Variants in IL5RA observed in about 807,000 individuals in gnomAD.
IL5RA encodes the protein interleukin-5 receptor subunit alpha.
In IL5RA, 49 loss-of-function variants were observed where a neutral mutation model predicts 50.0. That is an observed-to-expected ratio of 0.98 (90% CI 0.78 to 1.24). The LOEUF (loss-of-function observed/expected upper bound fraction) is 1.24. Ranked by LOEUF, IL5RA falls within the 50% of genes most tolerant of loss-of-function variation. The pLI is 0.00. For synonymous variants in IL5RA, 202 were observed against 174.0 expected, an observed-to-expected ratio of 1.16 and a Z score of -1.26; for missense variants, 600 against 500.4, an observed-to-expected ratio of 1.20 and a Z score of -1.90.
chr3:3,098,735 T>C (rs2125980983), intron 5 of IL5RA, among the ~76,000 whole-genome samples: 1 of 152,256 alleles, frequency 6.6e-6, no homozygotes, highest in Admixed American at 6.5e-5. Context: ...ACCTACTAAC[T>C]ACAAAAGGCC....
At chr3:3,102,566 G>A (rs1299889392) in intron 4 of IL5RA, 109 bp downstream of exon 4, 1 of 722,484 alleles carries the variant, frequency 1.4e-6, no homozygotes, top group Non-Finnish European at 2.2e-6. Flanking sequence ...ATAACATAGA[G>A]CCTGTCAGTA....
chr3:3,083,050 G>A (rs1276163685), intron 9 of IL5RA, among the ~76,000 whole-genome samples: 1 of 152,170 alleles, frequency 6.6e-6, no homozygotes, highest in Non-Finnish European at 1.5e-5. Context: ...CAACAGGGTT[G>A]GATAATTGAG....
At chr3:3,085,051 C>T (rs1156725090) in intron 9 of IL5RA, among the ~76,000 whole-genome samples, 1 of 152,242 alleles carries the variant, frequency 6.6e-6, no homozygotes, top group Admixed American at 6.5e-5. Flanking sequence ...AGGCCTCCTT[C>T]AGGCTAGTGG....
chr3:3,082,218 G>C (rs893827972), intron 9 of IL5RA, among the ~76,000 whole-genome samples: 10 of 152,284 alleles, frequency 6.6e-5, no homozygotes, highest in African/African-American at 2.4e-4. Context: ...AAATTTGGGA[G>C]ATCCCGTAGT....
At chr3:3,073,970 A>G (rs1702388321) in intron 11 of IL5RA, 2 of 263,560 alleles carry the variant, frequency 7.6e-6, no homozygotes, top group African/African-American at 2.3e-5. Flanking sequence ...AACCAATCAG[A>G]TAGTCCAGAA....
intron 9 of IL5RA, among the ~76,000 whole-genome samples, chr3:3,087,426 C>T (rs1359389387): frequency 1.3e-5 from 2 of 152,166 alleles, no homozygotes; most frequent in Non-Finnish European, 2.9e-5. Flanking sequence ...CTTATCTCAT[C>T]AATCAAAACT....
Position 3,066,325 on chromosome 3 carries a change from T to G in IL5RA, c.*3900A>C, listed in dbSNP as rs1453885848. 1 of 152,192 alleles carries G rather than the reference T, an allele frequency of 6.6e-6. No homozygotes were observed. The highest frequency in any genetic ancestry group is 2.4e-5 in the African/African-American group (1 of 41,430). The allele number at this position is 152,192 out of a possible 1,614,324, so 9.4% of individuals were successfully genotyped here. On this transcript the variant is annotated 3_prime_UTR_variant, in exon 12 of 12. Coordinates refer to ENST00000446632, the MANE Select transcript of IL5RA (RefSeq NM_175726.4). ...CTCTTTAATTGCAGACTTAGACAAT[T>G]CACTGTCATTTATGTTTAATATTTC...
intron 7 of IL5RA, among the ~76,000 whole-genome samples, chr3:3,095,839 C>T (rs780845258): frequency 1.1e-4 from 17 of 152,094 alleles, no homozygotes; most frequent in Non-Finnish European, 1.8e-4. Flanking sequence ...CTTGCCTCTT[C>T]CCAGTAGGTA....
chr3:3,096,358 C>G (rs568870001), intron 7 of IL5RA, among the ~76,000 whole-genome samples: 1 of 151,182 alleles, frequency 6.6e-6, no homozygotes, highest in South Asian at 2.1e-4. Context: ...AATGTCCTTT[C>G]CCTTGAGATC....
At chr3:3,081,943 C>T (rs778614825) in intron 9 of IL5RA, among the ~76,000 whole-genome samples, 1 of 152,162 alleles carries the variant, frequency 6.6e-6, no homozygotes, top group Admixed American at 6.6e-5. Context: ...GAAAACACAA[C>T]CAAGGTCGGC....
At chr3:3,077,211 C>A (rs1489487284) in intron 9 of IL5RA, among the ~76,000 whole-genome samples, 2 of 152,198 alleles carry the variant, frequency 1.3e-5, no homozygotes, top group African/African-American at 4.8e-5. Flanking sequence ...GCCATTAAGT[C>A]AGTACAGAAA....
At chr3:3,098,113 A>G (rs1241569829) in intron 6 of IL5RA, 24 bp downstream of exon 6, 1 of 1,613,910 alleles carries the variant, frequency 6.2e-7, no homozygotes, top group East Asian at 2.2e-5. Context: ...CATTTGCCTA[A>G]GTAAAAATAG....
rs781219172 is a variant in IL5RA at position 3,090,265 on chromosome 3, CAG to C, written c.994+1957_994+1958del. 8 of 1,571,386 alleles carry C rather than the reference CAG, an allele frequency of 5.1e-6. No individual in the cohort carries two copies. In the African/African-American group the frequency reaches 5.5e-5, roughly 11 times the overall value. ...CCTTTATCTTGAGAACCCTAGGAAA[CAG>C]AGAGAAATTATTTGTCTGGGGATAC... On this transcript the variant is annotated intron_variant, in intron 9 of 11. Transcript: ENST00000446632.
chr3:3,098,119 A>C lies in IL5RA; in HGVS notation c.521+18T>G. ...GGAAACAACCATTTGCCTAAGTAAA[A>C]ATAGGTACAGTACTAACCTATAGTA... On this transcript the variant is annotated intron_variant, in intron 6 of 11. Transcript: ENST00000446632. The C allele has an allele frequency of 2.5e-6, 4 of 1,614,018 alleles. No individual in the cohort carries two copies. Among genetic ancestry groups the C allele is most frequent in the Non-Finnish European group, 3.4e-6 (4 of 1,179,900 alleles).
chr3:3,073,843 A>G (rs1329653739), intron 11 of IL5RA: 1 of 434,568 alleles, frequency 2.3e-6, no homozygotes, highest in Non-Finnish European at 4.5e-6. Context: ...TAACCAAAAC[A>G]AATTTTTAAA....
chr3:3,107,699 T>C (rs1053979019), intron 2 of IL5RA, among the ~76,000 whole-genome samples: 4 of 152,202 alleles, frequency 2.6e-5, no homozygotes, highest in Non-Finnish European at 4.4e-5. Context: ...TACTTGCTCA[T>C]ATAACATTTC....
intron 7 of IL5RA, among the ~76,000 whole-genome samples, chr3:3,096,289 A>AGAAGAAGAAG (rs1553752103): frequency 1.4e-5 from 2 of 141,340 alleles, no homozygotes; most frequent in African/African-American, 2.6e-5. Flanking sequence ...AAAAAAAAAA[A>AGAAGAAGAAG]AAGAAGAAGA....
intron 9 of IL5RA, among the ~76,000 whole-genome samples, chr3:3,087,769 T>C (rs1215367028): frequency 1.3e-5 from 2 of 152,148 alleles, no homozygotes; most frequent in East Asian, 3.8e-4. Context: ...AGGAAATGAA[T>C]GTAGCAGCAA....
chr3:3,104,531 C>T (rs536610631), intron 3 of IL5RA, among the ~76,000 whole-genome samples: 1 of 152,276 alleles, frequency 6.6e-6, no homozygotes, highest in East Asian at 1.9e-4. Context: ...ACATCAAATA[C>T]ATAACATCAG....
Sources: allele counts gnomAD v4.1 joint callset (sites outside exome capture counted in the v4.1 genomes callset), GRCh38; gene constraint gnomAD v4.1.1; transcripts MANE v1.5; gene names NCBI Gene and HGNC (gene_info 2026-07-23, HGNC 2026-07-21).